The following CACNG4 variants were observed in gnomAD, a reference collection of about 807,000 sequenced individuals.
CACNG4 encodes the protein voltage-dependent calcium channel gamma-4 subunit.
In CACNG4, 8 loss-of-function variants were observed where a neutral mutation model predicts 22.9. The observed-to-expected ratio is 0.35, with a 90% CI of 0.21 to 0.63. CACNG4 has a LOEUF of 0.63. Among genes scored for constraint, CACNG4 ranks in the 30% least tolerant of loss-of-function variants. The pLI is 0.72. For synonymous variants in CACNG4, 188 were observed against 191.9 expected (o/e 0.98, Z 0.17); for missense variants, 357 against 455.4 (o/e 0.78, Z 1.97).
intron 1 of CACNG4, among the ~76,000 whole-genome samples, chr17:66,987,925 C>T (rs1183092906): frequency 2.0e-5 from 3 of 152,028 alleles, no homozygotes; most frequent in Non-Finnish European, 4.4e-5. Flanking sequence ...ACGATGTTGG[C>T]ATGCTCGAGA....
chr17:66,974,793 C>G (rs1487698850), intron 1 of CACNG4, among the ~76,000 whole-genome samples: 2 of 152,218 alleles, frequency 1.3e-5, no homozygotes, highest in Non-Finnish European at 2.9e-5. Flanking sequence ...AGGCCCCAGG[C>G]TCTCTGCAGG....
chr17:67,031,589 C>T lies in CACNG4; in HGVS notation c.*585C>T. The stretch of plus-strand genomic sequence containing the variant: ...GCCTATGATCCTGAAGACAGCTCTG[C>T]AGCCAACTGGTGCTTTGGCCTTTGC... On this transcript the variant is annotated 3_prime_UTR_variant, in exon 4 of 4. Coordinates refer to ENST00000262138, the MANE Select transcript of CACNG4 (RefSeq NM_014405.4). This position sits in a 1 kb window ranked among gnomAD's most constrained non-coding sequence, Gnocchi z 4.0. The T allele has an allele frequency of 4.4e-6, 2 of 456,956 alleles. No homozygotes were observed. Among genetic ancestry groups the T allele is most frequent in the South Asian group, 3.1e-5 (2 of 64,572 alleles). The allele number at this position is 456,956 out of a possible 1,614,324, so 28.3% of individuals were successfully genotyped here.
intron 1 of CACNG4, among the ~76,000 whole-genome samples, chr17:66,976,639 CCT>C (rs1277978629): frequency 6.6e-6 from 1 of 151,992 alleles, no homozygotes; most frequent in Non-Finnish European, 1.5e-5. Flanking sequence ...TCTTTCTATC[CCT>C]GAGTCCTCCC....
At chr17:67,008,813 G>A (rs2035451747) in intron 1 of CACNG4, among the ~76,000 whole-genome samples, 1 of 152,112 alleles carries the variant, frequency 6.6e-6, no homozygotes, top group Non-Finnish European at 1.5e-5. Flanking sequence ...GCCAGGCATG[G>A]TGGCACATGC....
chr17:67,023,765 C>T (rs930888420), intron 2 of CACNG4, among the ~76,000 whole-genome samples: 7 of 151,398 alleles, frequency 4.6e-5, no homozygotes, highest in Non-Finnish European at 8.8e-5. Context: ...TTAGTAGATA[C>T]GGGGTTTCAC....
In CACNG4 at chr17:67,031,615, G is replaced by T. The variant is rs564454210; in HGVS notation, c.*611G>T. 1 of 456,788 alleles carries T rather than the reference G, an allele frequency of 2.2e-6. No individual in the cohort carries two copies. The highest frequency in any genetic ancestry group is 4.4e-6 in the Non-Finnish European group (1 of 226,986). The allele number at this position is 456,788 out of a possible 1,614,324, so 28.3% of individuals were successfully genotyped here. A position where few individuals can be genotyped will look rare whatever the true frequency, so the allele number is the denominator to read the frequency against. On this transcript the variant is annotated 3_prime_UTR_variant, in exon 4 of 4. Coordinates refer to ENST00000262138, the MANE Select transcript of CACNG4 (RefSeq NM_014405.4). This position sits in a 1 kb window ranked among gnomAD's most constrained non-coding sequence, Gnocchi z 4.0. Reference sequence around the variant, plus strand: ...AGCCAACTGGTGCTTTGGCCTTTGCGCTGTCCCGGGGCCAGCTTCCCTCGA... The same window carrying T: ...AGCCAACTGGTGCTTTGGCCTTTGCTCTGTCCCGGGGCCAGCTTCCCTCGA...
At chr17:67,016,881 C>T (rs911006384) in intron 1 of CACNG4, among the ~76,000 whole-genome samples, 3 of 152,058 alleles carry the variant, frequency 2.0e-5, no homozygotes, top group African/African-American at 7.2e-5. Context: ...TCCTACATTA[C>T]GAAGCTACCC....
rs958985404 is a variant in CACNG4, at chr17:67,031,428, C to T, written c.*424C>T. ...CGGGCCACCAGAAGGCTCTGCCGGA[C>T]GCCAAGAAGACGGTCTCTGGGCTCT... On this transcript the variant is annotated 3_prime_UTR_variant, in exon 4 of 4. Transcript: ENST00000262138. The surrounding 1 kb of genome is among the most constrained non-coding windows in gnomAD (Gnocchi z 4.0). 2.4e-5 allele frequency: 11 copies of T among 461,704 alleles called. No individual in the cohort carries two copies. The highest frequency in any genetic ancestry group is 6.9e-5 in the East Asian group (1 of 14,550). 28.6% of individuals were successfully genotyped at this position (461,704 alleles called of 1,614,324 possible).
At chr17:67,006,751 A>G (rs2035440427) in intron 1 of CACNG4, among the ~76,000 whole-genome samples, 1 of 152,320 alleles carries the variant, frequency 6.6e-6, no homozygotes, top group Non-Finnish European at 1.5e-5. Context: ...CCTGGTGTCA[A>G]TCAATGAATA....
chr17:66,990,493 T>G (rs1279556880), intron 1 of CACNG4, among the ~76,000 whole-genome samples: 1 of 152,136 alleles, frequency 6.6e-6, no homozygotes, highest in African/African-American at 2.4e-5. Flanking sequence ...TCGGGCCATC[T>G]TAGAACTCTG....
At chr17:66,965,642 G>A (rs2035165290) in intron 1 of CACNG4, among the ~76,000 whole-genome samples, 1 of 151,334 alleles carries the variant, frequency 6.6e-6, no homozygotes, top group African/African-American at 2.4e-5. Context: ...GGGGCCGGCC[G>A]GGGGCGGGGC....
At position 67,031,039 on chromosome 17, in the gene CACNG4, C is replaced by G. The variant is rs1567761617; in HGVS notation, c.*35C>G. ...CCTTTCTCTCCGCTCCAGCCTCTCC[C>G]CAGAACGGCTCTTTTTGTCACACAG... On this transcript the variant is annotated 3_prime_UTR_variant, in exon 4 of 4. Coordinates refer to ENST00000262138, the MANE Select transcript of CACNG4 (RefSeq NM_014405.4). The surrounding 1 kb of genome is among the most constrained non-coding windows in gnomAD (Gnocchi z 4.0). 1 of 1,577,116 alleles carries G rather than the reference C, an allele frequency of 6.3e-7. No homozygotes were observed. The highest frequency in any genetic ancestry group is 1.8e-5 in the Admixed American group (1 of 55,598).
chr17:67,001,694 T>A (rs1274728541), intron 1 of CACNG4, among the ~76,000 whole-genome samples: 1 of 152,246 alleles, frequency 6.6e-6, no homozygotes, highest in Non-Finnish European at 1.5e-5. Flanking sequence ...AATTCAGGGT[T>A]CTACTAGACG....
At chr17:67,003,647 G>A (rs564813708) in intron 1 of CACNG4, among the ~76,000 whole-genome samples, 3 of 152,244 alleles carry the variant, frequency 2.0e-5, no homozygotes, top group South Asian at 4.1e-4. Flanking sequence ...CCCTGGTCAC[G>A]TGTTGCCAGT....
At chr17:66,981,904 G>A (rs572910076) in intron 1 of CACNG4, among the ~76,000 whole-genome samples, 2 of 152,134 alleles carry the variant, frequency 1.3e-5, no homozygotes, top group South Asian at 4.2e-4. Flanking sequence ...CAGATTTCAG[G>A]TATATTATTG....
chr17:66,979,268 T>A (rs1449754311), intron 1 of CACNG4, among the ~76,000 whole-genome samples: 4 of 152,340 alleles, frequency 2.6e-5, no homozygotes, highest in South Asian at 2.1e-4. Flanking sequence ...CCCTTTTCCC[T>A]TTGAGTCTGC....
intron 1 of CACNG4, among the ~76,000 whole-genome samples, chr17:67,005,220 T>A (rs1175861434): frequency 6.6e-6 from 1 of 152,172 alleles, no homozygotes; most frequent in African/African-American, 2.4e-5. Context: ...AAATATACAC[T>A]TCCAAGAGAA....
At chr17:66,972,755 G>A (rs906100141) in intron 1 of CACNG4, among the ~76,000 whole-genome samples, 51 of 149,350 alleles carry the variant, frequency 3.4e-4, no homozygotes, top group African/African-American at 1.1e-3. Flanking sequence ...GTGAAACCCC[G>A]TCTCCGCTAA....
intron 1 of CACNG4, among the ~76,000 whole-genome samples, chr17:66,996,166 A>G (rs1567754163): frequency 1.3e-5 from 2 of 152,066 alleles, no homozygotes; most frequent in Admixed American, 6.6e-5. Context: ...TGCTCTGCCA[A>G]TGCCTCTCTG....
Sources: allele counts gnomAD v4.1 joint callset (sites outside exome capture counted in the v4.1 genomes callset), GRCh38; gene constraint gnomAD v4.1.1; non-coding constraint Gnocchi (gnomAD v3.1); transcripts MANE v1.5; gene names NCBI Gene and HGNC (gene_info 2026-07-23, HGNC 2026-07-21).